RAB3C: variants seen among roughly 807,000 people sequenced by gnomAD.
RAB3C encodes RAB3C, member RAS oncogene family.
A neutral mutation model predicts 26.4 loss-of-function variants in RAB3C; 17 were observed. The observed-to-expected ratio is 0.64, with a 90% CI of 0.44 to 0.97. The LOEUF is 0.97. Among genes scored for constraint, RAB3C ranks in the 50% least tolerant of loss-of-function variants. The pLI is 0.00. For synonymous variants in RAB3C, 91 were observed against 95.9 expected (o/e 0.95, Z 0.30); for missense variants, 242 against 281.9 (o/e 0.86, Z 1.01).
intron 2 of RAB3C, among the ~76,000 whole-genome samples, chr5:58,697,010 A>C (rs1259220273): frequency 1.3e-5 from 2 of 151,716 alleles, no homozygotes; most frequent in Admixed American, 6.6e-5. Flanking sequence ...TTTAATTGTG[A>C]TGTTAGGGTG....
At chr5:58,620,088 A>AG (rs1363307000) in intron 2 of RAB3C, among the ~76,000 whole-genome samples, 1 of 152,242 alleles carries the variant, frequency 6.6e-6, no homozygotes, top group East Asian at 1.9e-4. Flanking sequence ...TATTAAAAAA[A>AG]AAACCCTTTA....
At chr5:58,736,122 C>T (rs1331728007) in intron 3 of RAB3C, among the ~76,000 whole-genome samples, 1 of 152,174 alleles carries the variant, frequency 6.6e-6, no homozygotes, top group Non-Finnish European at 1.5e-5. Context: ...CCTTTGTAAT[C>T]TGCGCCCTGT....
At chr5:58,667,982 C>CAAAG (rs1748035325) in intron 2 of RAB3C, among the ~76,000 whole-genome samples, 2 of 152,028 alleles carry the variant, frequency 1.3e-5, no homozygotes, top group South Asian at 4.1e-4. Context: ...CTACCAAAAA[C>CAAAG]AAAGAAACAA....
At chr5:58,598,594 A>G (rs1269219615) in intron 1 of RAB3C, among the ~76,000 whole-genome samples, 1 of 152,152 alleles carries the variant, frequency 6.6e-6, no homozygotes, top group Non-Finnish European at 1.5e-5. Context: ...GTTCTAGGAC[A>G]GGTCCTATCA....
At chr5:58,782,641 G>A (rs1742296137) in intron 3 of RAB3C, among the ~76,000 whole-genome samples, 1 of 151,988 alleles carries the variant, frequency 6.6e-6, no homozygotes, top group Non-Finnish European at 1.5e-5. Flanking sequence ...TTTCTGCTCA[G>A]AAATAATTTC....
chr5:58,661,631 G>A lies in RAB3C; in HGVS notation c.252+43761G>A, dbSNP rs143456487. Among the ~76,000 whole-genome samples the A allele has an allele frequency of 2.9e-3, 419 of 146,806 alleles. 44 individuals are homozygous for A. The highest frequency in any genetic ancestry group is 0.01 in the African/African-American group (378 of 37,304). On this transcript the variant is annotated intron_variant, in intron 2 of 4. Transcript: ENST00000282878. ...AGATCTGTCTCTCAATTGATGACCT[G>A]CCTGTATCTAGTGTGGTGGCAATGC...
chr5:58,713,844 C>A (rs1051784658), intron 2 of RAB3C, among the ~76,000 whole-genome samples: 1 of 152,032 alleles, frequency 6.6e-6, no homozygotes, highest in Admixed American at 6.6e-5. Flanking sequence ...GTATGGTTAC[C>A]CTATCTACTT....
chr5:58,822,810 C>T, intron 3 of RAB3C: 1 of 607,574 alleles, frequency 1.6e-6, no homozygotes, highest in Non-Finnish European at 3.1e-6. Flanking sequence ...GCACATTATA[C>T]TGGCCTGCCA....
intron 3 of RAB3C, among the ~76,000 whole-genome samples, 167 bp downstream of exon 3, chr5:58,726,287 A>C (rs987899202): frequency 6.6e-6 from 1 of 151,956 alleles, no homozygotes; most frequent in Non-Finnish European, 1.5e-5. Context: ...GCACAGAAGC[A>C]TTATTCAGGG....
intron 3 of RAB3C, among the ~76,000 whole-genome samples, chr5:58,773,503 G>T (rs769751104): frequency 6.6e-6 from 1 of 152,132 alleles, no homozygotes; most frequent in Non-Finnish European, 1.5e-5. Context: ...CTTTCAAGGT[G>T]TGTTTGTGTG....
At chr5:58,794,936 G>C (rs1742610819) in intron 3 of RAB3C, among the ~76,000 whole-genome samples, 1 of 152,222 alleles carries the variant, frequency 6.6e-6, no homozygotes, top group Non-Finnish European at 1.5e-5. Context: ...TGAACCTGAT[G>C]CAGATAGTTC....
chr5:58,711,642 A>G (rs1240755930), intron 2 of RAB3C, among the ~76,000 whole-genome samples: 1 of 152,186 alleles, frequency 6.6e-6, no homozygotes, highest in Non-Finnish European at 1.5e-5. Flanking sequence ...TAATTCTCAC[A>G]GTAATCTTGA....
chr5:58,686,115 G>T (rs182167398), intron 2 of RAB3C, among the ~76,000 whole-genome samples: 11 of 152,320 alleles, frequency 7.2e-5, no homozygotes, highest in Admixed American at 5.9e-4. Flanking sequence ...GGTGATAAGT[G>T]ATGACAGTCT....
At chr5:58,809,414 G>A (rs567163392) in intron 3 of RAB3C, among the ~76,000 whole-genome samples, 32 of 150,614 alleles carry the variant, frequency 2.1e-4, no homozygotes, top group African/African-American at 7.8e-4. Flanking sequence ...CCTTAGCAGA[G>A]GCACAAATTG....
chr5:58,835,721 T>C (rs184040202), intron 4 of RAB3C, among the ~76,000 whole-genome samples: 66 of 152,280 alleles, frequency 4.3e-4, no homozygotes, highest in African/African-American at 1.6e-3. Flanking sequence ...GCTTCATTTT[T>C]TATTTGTTTT....
intron 2 of RAB3C, among the ~76,000 whole-genome samples, chr5:58,695,249 T>C (rs574416215): frequency 6.6e-6 from 1 of 152,362 alleles, no homozygotes; most frequent in Non-Finnish European, 1.5e-5. Context: ...TGTGGTGTTA[T>C]TTCTGAGGCC....
intron 3 of RAB3C, among the ~76,000 whole-genome samples, chr5:58,762,802 C>T (rs962597816): frequency 6.6e-6 from 1 of 152,142 alleles, no homozygotes; most frequent in Admixed American, 6.5e-5. Context: ...CTACTAATAA[C>T]TAGCCATCTG....
intron 2 of RAB3C, among the ~76,000 whole-genome samples, chr5:58,640,284 T>C (rs1162335524): frequency 6.6e-6 from 1 of 152,206 alleles, no homozygotes; most frequent in Non-Finnish European, 1.5e-5. Context: ...CTATTTTTCA[T>C]GACCTATATC....
intron 1 of RAB3C, among the ~76,000 whole-genome samples, chr5:58,616,567 C>T (rs945121375): frequency 6.6e-6 from 1 of 152,102 alleles, no homozygotes; most frequent in African/African-American, 2.4e-5. Flanking sequence ...CAATATCCAC[C>T]TAAAGCATTT....
Sources: allele counts gnomAD v4.1 joint callset (sites outside exome capture counted in the v4.1 genomes callset), GRCh38; gene constraint gnomAD v4.1.1; transcripts MANE v1.5; gene names NCBI Gene and HGNC (gene_info 2026-07-23, HGNC 2026-07-21).